MTUS1: variants seen among roughly 807,000 people sequenced by gnomAD.
The protein encoded by MTUS1 is microtubule associated scaffold protein 1.
In MTUS1, 109 loss-of-function variants were observed where a neutral mutation model predicts 120.8. The ratio of observed to expected loss-of-function variants is 0.90; its 90% confidence interval spans 0.77 to 1.06. MTUS1 has a LOEUF of 1.06. Ranked by LOEUF, MTUS1 falls within the 50% of genes least tolerant of loss-of-function variation. MTUS1 has a pLI of 0.00. For synonymous variants in MTUS1, 737 were observed against 550.5 expected, an observed-to-expected ratio of 1.34 and a Z score of -4.74; for missense variants, 2,210 against 1,486.3, an observed-to-expected ratio of 1.49 and a Z score of -8.01.
At chr8:17,720,242 G>A (rs763499001) in intron 4 of MTUS1, among the ~76,000 whole-genome samples, 1 of 151,998 alleles carries the variant, frequency 6.6e-6, no homozygotes, top group Non-Finnish European at 1.5e-5. Context: ...CTACTTGGGA[G>A]GTTCAGACAG....
Position 17,755,980 on chromosome 8 carries a change from T to G in MTUS1, c.-154-19A>C. 1 of 1,396,652 alleles carries G rather than the reference T, an allele frequency of 7.2e-7. No individual in the cohort carries two copies. 86.5% of individuals were successfully genotyped at this position (1,396,652 alleles called of 1,614,324 possible). A position where few individuals can be genotyped will look rare whatever the true frequency, so the allele number is the denominator to read the frequency against. ...TTGTTCCCTGGAAGAAATAAAATGTTTAACTCAAGTAACTATAAGAAAAAT... is the reference window on the plus strand; with the variant it reads ...TTGTTCCCTGGAAGAAATAAAATGTGTAACTCAAGTAACTATAAGAAAAAT... On this transcript the variant is annotated intron_variant, in intron 1 of 14. Coordinates refer to ENST00000693296, the MANE Select transcript of MTUS1 (RefSeq NM_001363059.2).
intron 6 of MTUS1, chr8:17,704,052 G>C (rs1347460901): frequency 2.6e-5 from 4 of 152,672 alleles, no homozygotes; most frequent in Admixed American, 6.6e-5. Context: ...TCCTCTCTTT[G>C]TACTCTTTCT....
intron 1 of MTUS1, among the ~76,000 whole-genome samples, chr8:17,763,066 A>C (rs1044151681): frequency 2.6e-5 from 4 of 150,968 alleles, no homozygotes; most frequent in Non-Finnish European, 4.4e-5. Context: ...ATCTTGGCTC[A>C]CTGCAACCTC....
intron 4 of MTUS1, chr8:17,721,689 GA>G (rs1277521755): frequency 9.0e-6 from 14 of 1,547,364 alleles, no homozygotes; most frequent in Non-Finnish European, 1.2e-5. Context: ...ACAAAGAAAA[GA>G]AACCAGAAAT....
intron 6 of MTUS1, among the ~76,000 whole-genome samples, chr8:17,695,623 A>G (rs954922511): frequency 6.6e-6 from 1 of 152,230 alleles, no homozygotes; most frequent in African/African-American, 2.4e-5. Context: ...AACACTACAG[A>G]CAACTTAGAA....
intron 1 of MTUS1, among the ~76,000 whole-genome samples, chr8:17,782,036 G>A (rs1190771884): frequency 2.0e-5 from 3 of 152,196 alleles, no homozygotes; most frequent in East Asian, 3.8e-4. Context: ...ACCCAAGGCT[G>A]GGCTCCCATT....
chr8:17,671,488 G>C (rs1293587234), intron 8 of MTUS1, among the ~76,000 whole-genome samples: 2 of 152,208 alleles, frequency 1.3e-5, no homozygotes, highest in East Asian at 1.9e-4. Context: ...ACACTTTTAA[G>C]AGTTTCTGCA....
rs2049010244 is a variant in MTUS1, at chr8:17,761,161, T to C, written c.-154-5200A>G. Reference sequence around the variant, plus strand: ...TTTATAAGGATTAAAAATTAGTAAATATGTGCTGAAAGAAATGGTCAAAGA... The same window carrying C: ...TTTATAAGGATTAAAAATTAGTAAACATGTGCTGAAAGAAATGGTCAAAGA... On this transcript the variant is annotated intron_variant, in intron 1 of 14. Coordinates refer to ENST00000693296, the MANE Select transcript of MTUS1 (RefSeq NM_001363059.2). Among the ~76,000 whole-genome samples the C allele has an allele frequency of 2.0e-5, 3 of 152,166 alleles. No individual in the cohort carries two copies. The South Asian group carries it at 6.2e-4, about 32-fold the overall frequency.
chr8:17,688,653 C>T (rs1165985110), intron 6 of MTUS1, among the ~76,000 whole-genome samples: 1 of 152,192 alleles, frequency 6.6e-6, no homozygotes, highest in Non-Finnish European at 1.5e-5. Flanking sequence ...GTTTCCCCAG[C>T]ATCTGGTGGC....
At position 17,721,650 on chromosome 8, in the gene MTUS1, A is replaced by G. The variant is rs540217234; in HGVS notation, c.2449+2022T>C. On this transcript the variant is annotated intron_variant, in intron 4 of 14. Transcript: ENST00000693296. Reference sequence around the variant, plus strand: ...ACAGAAGTCAAGAGATCCTAAATCAATTTATTGAATAAAAATTTAAGCATG... The same window carrying G: ...ACAGAAGTCAAGAGATCCTAAATCAGTTTATTGAATAAAAATTTAAGCATG... 2.8e-4 allele frequency: 413 copies of G among 1,501,610 alleles called. No homozygotes were observed. The South Asian group carries it at 4.8e-3, about 18-fold the overall frequency. The allele number at this position is 1,501,610 out of a possible 1,614,324, so 93.0% of individuals were successfully genotyped here. A position where few individuals can be genotyped will look rare whatever the true frequency, so the allele number is the denominator to read the frequency against.
chr8:17,747,580 G>A (rs2047865474), intron 2 of MTUS1, among the ~76,000 whole-genome samples: 1 of 152,138 alleles, frequency 6.6e-6, no homozygotes, highest in African/African-American at 2.4e-5. Flanking sequence ...AAACCTGTTT[G>A]CCCACTCTCT....
intron 6 of MTUS1, among the ~76,000 whole-genome samples, chr8:17,688,188 G>T (rs977614452): frequency 6.6e-6 from 1 of 152,158 alleles, no homozygotes; most frequent in Non-Finnish European, 1.5e-5. Flanking sequence ...CCACTTTTGT[G>T]TATACTCACT....
intron 7 of MTUS1, among the ~76,000 whole-genome samples, chr8:17,682,281 C>T (rs1052155355): frequency 2.6e-5 from 4 of 152,060 alleles, no homozygotes; most frequent in African/African-American, 7.2e-5. Context: ...TTTGGGAGGC[C>T]GAGGTGAGCG....
intron 9 of MTUS1, among the ~76,000 whole-genome samples, chr8:17,655,578 G>C (rs1808024932): frequency 6.6e-6 from 1 of 152,070 alleles, no homozygotes; most frequent in Non-Finnish European, 1.5e-5. Context: ...ACAAAAATTA[G>C]CTGGGCATGG....
chr8:17,707,993 G>C (rs1820499099), intron 6 of MTUS1, among the ~76,000 whole-genome samples: 1 of 151,894 alleles, frequency 6.6e-6, no homozygotes, highest in South Asian at 2.1e-4. Flanking sequence ...AGCTAGAATA[G>C]CAAAAAAAAC....
At chr8:17,648,410 T>G (rs143674015) in intron 13 of MTUS1, among the ~76,000 whole-genome samples, 186 of 152,326 alleles carry the variant, frequency 1.2e-3, no homozygotes, top group African/African-American at 4.4e-3. Flanking sequence ...AAAGTCTGAT[T>G]TATTGCACAT....
chr8:17,709,737 G>A (rs1820894863), intron 6 of MTUS1, among the ~76,000 whole-genome samples: 1 of 151,978 alleles, frequency 6.6e-6, no homozygotes. Context: ...TGCCAGGCGT[G>A]GTGGCTCACA....
At chr8:17,730,942 A>G (rs1179011708) in intron 3 of MTUS1, among the ~76,000 whole-genome samples, 3 of 152,206 alleles carry the variant, frequency 2.0e-5, no homozygotes, top group Non-Finnish European at 2.9e-5. Context: ...AGAGCTGTAC[A>G]TTTAAAAAAT....
At chr8:17,698,431 C>G (rs567078247) in intron 6 of MTUS1, among the ~76,000 whole-genome samples, 1 of 152,188 alleles carries the variant, frequency 6.6e-6, no homozygotes, top group African/African-American at 2.4e-5. Context: ...TAAGAATTAA[C>G]AACAACAATA....
Sources: gnomAD v4.1 joint callset for allele counts (sites outside exome capture counted in the v4.1 genomes callset) on GRCh38, gnomAD v4.1.1 for gene constraint, MANE v1.5 for transcripts, NCBI Gene and HGNC (gene_info 2026-07-23, HGNC 2026-07-21) for gene names.